Variants in CALN1 observed in about 807,000 individuals in gnomAD.
The protein encoded by CALN1 is calneuron 1.
In CALN1, 17 loss-of-function variants were observed where a neutral mutation model predicts 30.6. That is an observed-to-expected ratio of 0.56 (90% CI 0.38 to 0.83). CALN1 has a LOEUF of 0.83. Ranked by LOEUF, CALN1 falls within the 40% of genes least tolerant of loss-of-function variation. The probability of loss-of-function intolerance (pLI) is 0.00; values close to 1 mark genes in which losing one functional copy is unlikely to be tolerated. For missense variants in CALN1, 291 were observed against 354.9 expected (o/e 0.82, Z 1.45); for synonymous variants, 156 against 131.4 (o/e 1.19, Z -1.28).
At chr7:72,139,805 C>T (rs1421948738) in intron 3 of CALN1, among the ~76,000 whole-genome samples, 1 of 152,216 alleles carries the variant, frequency 6.6e-6, no homozygotes, top group Non-Finnish European at 1.5e-5. Context: ...AGCAGGCCTT[C>T]ACTTTCAGGA....
rs148406621 is a variant in CALN1, at chr7:72,402,229, G to A, written c.119+1022C>T. On this transcript the variant is annotated intron_variant, in intron 2 of 6. Transcript: ENST00000395275. ...AGCTCCTGCCCTTGACTTCTCAAATGTCAAGTTGTGTTGGAGAAGATTCTG... is the reference window on the plus strand; with the variant it reads ...AGCTCCTGCCCTTGACTTCTCAAATATCAAGTTGTGTTGGAGAAGATTCTG... 1.2e-3 allele frequency among the ~76,000 whole-genome samples: 181 copies of A among 152,328 alleles called. 1 individual carries two copies. The highest frequency in any genetic ancestry group is 4.1e-3 in the African/African-American group (169 of 41,574).
chr7:72,197,464 C>T (rs906369483), intron 3 of CALN1, among the ~76,000 whole-genome samples: 7 of 151,800 alleles, frequency 4.6e-5, no homozygotes, highest in Non-Finnish European at 7.4e-5. Flanking sequence ...CCTCCCAAAG[C>T]GCTGGGATTA....
chr7:71,958,092 G>A (rs1452032610), intron 5 of CALN1, among the ~76,000 whole-genome samples: 140 of 129,510 alleles, frequency 1.1e-3, no homozygotes, highest in South Asian at 1.8e-3. Context: ...AAGAAAGAAA[G>A]AAAAAAAAAG....
intron 2 of CALN1, among the ~76,000 whole-genome samples, chr7:72,391,456 C>G (rs1335505607): frequency 6.8e-6 from 1 of 146,352 alleles, no homozygotes; most frequent in Non-Finnish European, 1.5e-5. Context: ...TAGGACCAGG[C>G]AGCAAAAGGA....
At chr7:71,993,958 C>T (rs1401149537) in intron 5 of CALN1, among the ~76,000 whole-genome samples, 1 of 152,102 alleles carries the variant, frequency 6.6e-6, no homozygotes, top group East Asian at 1.9e-4. Flanking sequence ...AATTATACGA[C>T]TGAAATTTAA....
chr7:72,148,528 G>C (rs1488868131), intron 3 of CALN1, among the ~76,000 whole-genome samples: 1 of 152,180 alleles, frequency 6.6e-6, no homozygotes, highest in South Asian at 2.1e-4. Context: ...GAGCCCAGGA[G>C]TTTGGGTCTA....
At chr7:72,307,057 G>T (rs1157294420) in intron 2 of CALN1, among the ~76,000 whole-genome samples, 1 of 152,206 alleles carries the variant, frequency 6.6e-6, no homozygotes, top group Non-Finnish European at 1.5e-5. Flanking sequence ...ATTGAAGACA[G>T]ACAAAGTCAG....
At chr7:72,441,152 T>C (rs1392921572) in intron 1 of CALN1, among the ~76,000 whole-genome samples, 1 of 152,018 alleles carries the variant, frequency 6.6e-6, no homozygotes, top group Admixed American at 6.6e-5. Flanking sequence ...CCGAAAGAAA[T>C]AAAAGTTTAT....
chr7:71,897,128 A>C (rs987252656), intron 5 of CALN1, among the ~76,000 whole-genome samples: 16 of 152,208 alleles, frequency 1.1e-4, no homozygotes, highest in Admixed American at 6.5e-5. Flanking sequence ...CCAACACAAG[A>C]GAAAGCTTTA....
At chr7:72,398,810 A>G (rs898830264) in intron 2 of CALN1, among the ~76,000 whole-genome samples, 3 of 152,230 alleles carry the variant, frequency 2.0e-5, no homozygotes, top group Non-Finnish European at 4.4e-5. Flanking sequence ...CATTCCCCAT[A>G]TGACTTTAGA....
chr7:72,157,767 G>C (rs528624340), intron 3 of CALN1, among the ~76,000 whole-genome samples: 3 of 152,220 alleles, frequency 2.0e-5, no homozygotes, highest in Middle Eastern at 3.4e-3. Context: ...GTTTTTGAAA[G>C]AGTTTTGCTC....
At chr7:72,464,770 A>G in the CALN1 span, among the ~76,000 whole-genome samples, 1 of 152,190 alleles carries the variant, frequency 6.6e-6, no homozygotes, top group African/African-American at 2.4e-5. Flanking sequence ...AAGTTGGCTA[A>G]TGGGTCTCAC....
intron 2 of CALN1, among the ~76,000 whole-genome samples, chr7:72,332,358 G>C (rs896273261): frequency 1.3e-5 from 2 of 151,956 alleles, no homozygotes; most frequent in Admixed American, 6.6e-5. Flanking sequence ...GGTTGGGTCA[G>C]TGCCATGGAA....
intron 4 of CALN1, among the ~76,000 whole-genome samples, chr7:72,075,161 C>T (rs868800074): frequency 2.0e-5 from 3 of 152,158 alleles, no homozygotes; most frequent in Non-Finnish European, 2.9e-5. Flanking sequence ...AGTCAGGGGA[C>T]GGTCAGCCCT....
rs371237557 is a variant in CALN1, at chr7:71,781,771, G to A, written c.*6004C>T. ...CCATCACACCTGAGGAAAAGAGATGGGTGAGTCTATGCCCGGCATGGGGGT... is the reference window on the plus strand; with the variant it reads ...CCATCACACCTGAGGAAAAGAGATGAGTGAGTCTATGCCCGGCATGGGGGT... On this transcript the variant is annotated 3_prime_UTR_variant, in exon 7 of 7. Coordinates refer to ENST00000395275, the MANE Select transcript of CALN1 (RefSeq NM_031468.4). 3 of 152,166 alleles carry A rather than the reference G, an allele frequency of 2.0e-5. No homozygotes were observed. Among genetic ancestry groups the A allele is most frequent in the African/African-American group, 4.8e-5 (2 of 41,446 alleles). The allele number at this position is 152,166 out of a possible 1,614,324, so 9.4% of individuals were successfully genotyped here. A position where few individuals can be genotyped will look rare whatever the true frequency, so the allele number is the denominator to read the frequency against.
intron 5 of CALN1, among the ~76,000 whole-genome samples, chr7:72,007,893 T>C (rs1042163926): frequency 2.0e-5 from 3 of 152,058 alleles, no homozygotes; most frequent in African/African-American, 7.3e-5. Context: ...AAGCCTCTGT[T>C]GAATGAATGA....
At chr7:72,335,391 T>C (rs1001728359) in intron 2 of CALN1, among the ~76,000 whole-genome samples, 1 of 152,226 alleles carries the variant, frequency 6.6e-6, no homozygotes, top group Non-Finnish European at 1.5e-5. Flanking sequence ...ATGAGTTCTA[T>C]GTGCACGAAT....
intron 3 of CALN1, among the ~76,000 whole-genome samples, chr7:72,164,211 T>C (rs1294201159): frequency 6.6e-6 from 1 of 151,644 alleles, no homozygotes; most frequent in East Asian, 1.9e-4. Context: ...CTACTAAAAA[T>C]ACAAAAATTA....
intron 2 of CALN1, among the ~76,000 whole-genome samples, chr7:72,384,168 T>A (rs1585627640): frequency 6.6e-6 from 1 of 152,338 alleles, no homozygotes; most frequent in East Asian, 1.9e-4. Context: ...TTTTGCAGAC[T>A]GTTGCCTTTA....
Sources: allele counts gnomAD v4.1 joint callset (sites outside exome capture counted in the v4.1 genomes callset), GRCh38; gene constraint gnomAD v4.1.1; transcripts MANE v1.5; gene names NCBI Gene and HGNC (gene_info 2026-07-23, HGNC 2026-07-21).